VPS13A: variants seen among roughly 807,000 people sequenced by gnomAD.
VPS13A encodes intermembrane lipid transfer protein VPS13A.
In VPS13A, 264 loss-of-function variants were observed where a neutral mutation model predicts 390.9. The observed-to-expected ratio is 0.68, with a 90% confidence interval of 0.61 to 0.75. The LOEUF is 0.75. Among genes scored for constraint, VPS13A ranks in the 30% least tolerant of loss-of-function variants. The pLI, the probability that VPS13A is intolerant of heterozygous loss-of-function variation, is 0.00. For synonymous variants in VPS13A, 1,231 were observed against 1,227.1 expected, an observed-to-expected ratio of 1.00 and a Z score of -0.07; for missense variants, 3,409 against 3,733.9, an observed-to-expected ratio of 0.91 and a Z score of 2.27.
chr9:77,413,099 TACAA>T, intron 71 of VPS13A, among the ~76,000 whole-genome samples: 1 of 148,908 alleles, frequency 6.7e-6, no homozygotes, highest in Admixed American at 6.7e-5. Flanking sequence ...TAAAAGAGGA[TACAA>T]ACAAATGGAA....
chr9:77,408,808 T>G lies in VPS13A; in HGVS notation c.9474+1201T>G, dbSNP rs946467358. Among the ~76,000 whole-genome samples the G allele has an allele frequency of 3.3e-4, 51 of 152,320 alleles. 1 individual carries two copies. The East Asian group carries it at 9.5e-3, about 28-fold the overall frequency. ...AACAAAGCAGCTGGGAAGCTCGAAC[T>G]GGGTGGAGCCCACCACAGCTCAAGG... On this transcript the variant is annotated intron_variant, in intron 71 of 71. Transcript: ENST00000360280.
rs928288840 is a variant in VPS13A at position 77,386,155 on chromosome 9, T to G, written c.9189+4068T>G. Among the ~76,000 whole-genome samples, 11 of 152,248 alleles carry G rather than the reference T, an allele frequency of 7.2e-5. No individual in the cohort carries two copies. In the East Asian group the frequency reaches 2.1e-3, roughly 29 times the overall value. ...ATACAAATAGTGACCATTAAAATAG[T>G]CATTGCTTTATTGGAAACCAACTTT... is the stretch of plus-strand genomic sequence containing the variant. On this transcript the variant is annotated intron_variant, in intron 68 of 71. Transcript: ENST00000360280.
At chr9:77,256,397 G>GT (rs1423109168) in intron 22 of VPS13A, among the ~76,000 whole-genome samples, 2 of 152,082 alleles carry the variant, frequency 1.3e-5, no homozygotes, top group East Asian at 1.9e-4. Flanking sequence ...TTGACGCTTG[G>GT]TTTTTTACCT....
chr9:77,361,331 T>C (rs1348431269), intron 59 of VPS13A, among the ~76,000 whole-genome samples: 1 of 152,152 alleles, frequency 6.6e-6, no homozygotes, highest in Non-Finnish European at 1.5e-5. Context: ...AATAGAATCA[T>C]ACACTGTGTA....
intron 31 of VPS13A, among the ~76,000 whole-genome samples, chr9:77,287,466 T>G (rs1827400877): frequency 6.6e-6 from 1 of 152,072 alleles, no homozygotes; most frequent in Non-Finnish European, 1.5e-5. Flanking sequence ...GTGCTGTGAT[T>G]ACAGACATGA....
At chr9:77,381,105 C>T (rs1255953717) in intron 67 of VPS13A, among the ~76,000 whole-genome samples, 2 of 152,106 alleles carry the variant, frequency 1.3e-5, no homozygotes, top group African/African-American at 2.4e-5. Context: ...AAATATAATA[C>T]TACCATACAC....
intron 33 of VPS13A, among the ~76,000 whole-genome samples, chr9:77,296,343 C>T (rs762917607): frequency 2.6e-5 from 4 of 152,108 alleles, no homozygotes; most frequent in African/African-American, 7.2e-5. Flanking sequence ...TCAAATAGTT[C>T]GAGAGCTTTT....
At chr9:77,401,329 TTGTGTGTGTGTGTGTGTGTG>T (rs4012461) in intron 68 of VPS13A, among the ~76,000 whole-genome samples, 20 of 140,432 alleles carry the variant, frequency 1.4e-4, no homozygotes, top group African/African-American at 1.6e-4. Flanking sequence ...TCACATGAAG[TTGTGTGTGTGTGTGTGTGTG>T]TGTGTGTGTG....
At chr9:77,214,670 A>G (rs948034587) in intron 10 of VPS13A, among the ~76,000 whole-genome samples, 1 of 152,240 alleles carries the variant, frequency 6.6e-6, no homozygotes, top group African/African-American at 2.4e-5. Context: ...CAATTAGGGT[A>G]ATATTTATGA....
Position 77,357,451 on chromosome 9 carries a change from A to G in VPS13A, c.7807-241A>G, listed in dbSNP as rs73449957. Among the ~76,000 whole-genome samples, 1,927 of 148,294 alleles carry G rather than the reference A, an allele frequency of 0.013. 45 individuals carry two copies. Among genetic ancestry groups the G allele is most frequent in the African/African-American group, 0.045 (1,816 of 40,322 alleles). ...TCACTGTACTTTCTTTAAATATTTT[A>G]TTTTTCCTTTATTCATTTTTATTGT... is the stretch of plus-strand genomic sequence containing the variant. On this transcript the variant is annotated intron_variant, in intron 55 of 71. Transcript: ENST00000360280.
At chr9:77,181,346 GA>G (rs1380463407) in intron 1 of VPS13A, among the ~76,000 whole-genome samples, 1 of 151,120 alleles carries the variant, frequency 6.6e-6, no homozygotes, top group East Asian at 1.9e-4. Flanking sequence ...TCATCTCTAC[GA>G]AAAAAATAAG....
chr9:77,233,233 C>G (rs185180288), intron 17 of VPS13A, among the ~76,000 whole-genome samples: 7 of 152,000 alleles, frequency 4.6e-5, no homozygotes, highest in Admixed American at 2.0e-4. Flanking sequence ...TTTTATTCCT[C>G]TATGGTGTGT....
chr9:77,227,036 AAACTT>A (rs1823556081), intron 15 of VPS13A, among the ~76,000 whole-genome samples: 1 of 152,136 alleles, frequency 6.6e-6, no homozygotes, highest in South Asian at 2.1e-4. Context: ...TAAGTGCACT[AAACTT>A]CAGTTTTATC....
intron 1 of VPS13A, among the ~76,000 whole-genome samples, chr9:77,189,284 T>G (rs1376284748): frequency 6.6e-6 from 1 of 152,134 alleles, no homozygotes; most frequent in African/African-American, 2.4e-5. Flanking sequence ...AGTTGATTGT[T>G]GTATATGGTG....
chr9:77,400,308 G>A (rs1335042219), intron 68 of VPS13A, among the ~76,000 whole-genome samples: 1 of 125,648 alleles, frequency 8.0e-6, no homozygotes, highest in Non-Finnish European at 1.6e-5. Context: ...TTTTTCTGTC[G>A]GTTTCTTCAA....
chr9:77,302,246 C>T (rs777297775), intron 33 of VPS13A, among the ~76,000 whole-genome samples: 4 of 152,030 alleles, frequency 2.6e-5, no homozygotes, highest in Non-Finnish European at 5.9e-5. Context: ...GCATGAGCCA[C>T]CACTCCTGGC....
chr9:77,347,983 G>A (rs1260392489), intron 52 of VPS13A, among the ~76,000 whole-genome samples: 8 of 152,048 alleles, frequency 5.3e-5, no homozygotes, highest in African/African-American at 1.9e-4. Flanking sequence ...ACAGATGATG[G>A]CAAGGCTGTG....
At chr9:77,258,675 T>C (rs1825588619) in intron 22 of VPS13A, among the ~76,000 whole-genome samples, 1 of 152,160 alleles carries the variant, frequency 6.6e-6, no homozygotes, top group African/African-American at 2.4e-5. Flanking sequence ...AGAAAAGGCT[T>C]AATTCTTTTC....
chr9:77,382,479 A>T (rs1179959490), intron 68 of VPS13A: 1 of 1,326,116 alleles, frequency 7.5e-7, no homozygotes, highest in Non-Finnish European at 9.6e-7. Flanking sequence ...TCTGCACTGG[A>T]TTTGCTAGAT....
Sources: gnomAD v4.1 joint callset for allele counts (sites outside exome capture counted in the v4.1 genomes callset) on GRCh38, gnomAD v4.1.1 for gene constraint, MANE v1.5 for transcripts, NCBI Gene and HGNC (gene_info 2026-07-23, HGNC 2026-07-21) for gene names.